IGFL2: variants seen among roughly 807,000 people sequenced by gnomAD.
The protein encoded by IGFL2 is IGF like family member 2.
IGFL2 carries 7 observed loss-of-function variants against 13.9 expected under a neutral mutation model. That is an observed-to-expected ratio of 0.51 (90% CI 0.29 to 0.95). IGFL2 has a LOEUF of 0.95. Ranked by LOEUF, IGFL2 falls within the 40% of genes least tolerant of loss-of-function variation. The pLI is 0.08. For synonymous variants in IGFL2, 55 were observed against 55.8 expected, an observed-to-expected ratio of 0.99 and a Z score of 0.07; for missense variants, 138 against 147.8, an observed-to-expected ratio of 0.93 and a Z score of 0.34.
the IGFL2 span, among the ~76,000 whole-genome samples, chr19:46,119,524 A>C: frequency 7.1e-6 from 1 of 141,118 alleles, no homozygotes; most frequent in African/African-American, 2.8e-5. Context: ...AGTCATTCTC[A>C]TCCCACTGCT....
the IGFL2 span, among the ~76,000 whole-genome samples, chr19:46,182,872 G>C: frequency 1.3e-5 from 2 of 151,712 alleles, no homozygotes; most frequent in African/African-American, 4.8e-5. Flanking sequence ...GCCTCTCTCT[G>C]TCATCTCTCT....
the IGFL2 span, chr19:46,137,340 G>A: frequency 3.2e-5 from 36 of 1,112,076 alleles, no homozygotes; most frequent in African/African-American, 2.6e-4. Context: ...AGCTTGTGGC[G>A]GGCGTTGATG....
chr19:46,085,004 G>A, the IGFL2 span, among the ~76,000 whole-genome samples: 1 of 152,050 alleles, frequency 6.6e-6, no homozygotes, highest in Non-Finnish European at 1.5e-5. Flanking sequence ...TTCCACCTAT[G>A]AGCCCGTAAA....
chr19:46,191,694 A>C, the IGFL2 span, among the ~76,000 whole-genome samples: 1 of 152,148 alleles, frequency 6.6e-6, no homozygotes, highest in Admixed American at 6.5e-5. Flanking sequence ...TCACAGACTC[A>C]GGGGCCTTGT....
At chr19:46,157,673 T>TA (rs1466434158) in intron 1 of IGFL2, among the ~76,000 whole-genome samples, 1 of 152,210 alleles carries the variant, frequency 6.6e-6, no homozygotes, top group Non-Finnish European at 1.5e-5. Context: ...ACAACTAATA[T>TA]AATAAGTAAT....
chr19:46,120,976 C>T, the IGFL2 span, among the ~76,000 whole-genome samples: 2 of 150,292 alleles, frequency 1.3e-5, no homozygotes, highest in African/African-American at 5.0e-5. Flanking sequence ...CTTAAGAAGC[C>T]TTAGGTTTAT....
the IGFL2 span, among the ~76,000 whole-genome samples, chr19:46,115,510 G>C: frequency 3.3e-5 from 5 of 152,094 alleles, no homozygotes; most frequent in Non-Finnish European, 7.4e-5. Context: ...TACAGCTTGG[G>C]AGCTGTGGCC....
the IGFL2 span, among the ~76,000 whole-genome samples, chr19:46,092,731 T>C: frequency 6.6e-6 from 1 of 151,978 alleles, no homozygotes; most frequent in African/African-American, 2.4e-5. Flanking sequence ...TCCTCCTGCC[T>C]CAGCCTCCCA....
At chr19:46,152,964 T>C (rs2146852748) in intron 1 of IGFL2, among the ~76,000 whole-genome samples, 1 of 152,340 alleles carries the variant, frequency 6.6e-6, no homozygotes, top group East Asian at 1.9e-4. Flanking sequence ...TAAGGTGGTG[T>C]ATTATATTAA....
At chr19:46,082,565 C>T in the IGFL2 span, among the ~76,000 whole-genome samples, 3 of 151,870 alleles carry the variant, frequency 2.0e-5, no homozygotes, top group African/African-American at 7.3e-5. Flanking sequence ...GGGATCAAGC[C>T]GCCCTGTAAG....
the IGFL2 span, among the ~76,000 whole-genome samples, chr19:46,187,216 G>A: frequency 2.0e-5 from 3 of 149,448 alleles, no homozygotes; most frequent in African/African-American, 4.9e-5. Flanking sequence ...CAGAGATGGT[G>A]AGCATTAACC....
chr19:46,148,019 T>A (rs1257305871), upstream of IGFL2: 2 of 455,278 alleles, frequency 4.4e-6, no homozygotes, highest in Non-Finnish European at 7.7e-6. Context: ...TGAAAGGTTC[T>A]AGGGAAGCCT....
chr19:46,094,425 A>G, the IGFL2 span, among the ~76,000 whole-genome samples: 11 of 152,300 alleles, frequency 7.2e-5, no homozygotes, highest in African/African-American at 2.4e-4. Flanking sequence ...ATAGAAGTCT[A>G]TAGAGCTGAA....
At chr19:46,103,805 G>A in the IGFL2 span, among the ~76,000 whole-genome samples, 1 of 152,122 alleles carries the variant, frequency 6.6e-6, no homozygotes, top group South Asian at 2.1e-4. Context: ...GCTTATAAGG[G>A]TTACTATTAT....
the IGFL2 span, among the ~76,000 whole-genome samples, chr19:46,093,072 TTAGTTTAATAACAACTAAATATTTAG>T: frequency 6.6e-6 from 1 of 152,334 alleles, no homozygotes; most frequent in South Asian, 2.1e-4. Flanking sequence ...AAATTAAATA[TTAGTTTAATAACAACTAAATATTTAG>T]TAGAAGTTGC....
the IGFL2 span, among the ~76,000 whole-genome samples, chr19:46,186,015 G>C: frequency 6.6e-6 from 1 of 152,160 alleles, no homozygotes; most frequent in Non-Finnish European, 1.5e-5. Flanking sequence ...TAGTCTTTAT[G>C]AGACTCTAGG....
chr19:46,134,459 A>T, the IGFL2 span, among the ~76,000 whole-genome samples: 1 of 152,186 alleles, frequency 6.6e-6, no homozygotes, highest in Non-Finnish European at 1.5e-5. Context: ...AATATACATT[A>T]TATATTACAT....
chr19:46,127,641 ATAGG>A, the IGFL2 span, among the ~76,000 whole-genome samples: 8 of 152,148 alleles, frequency 5.3e-5, no homozygotes, highest in African/African-American at 9.7e-5. Context: ...AGGTGGGTAG[ATAGG>A]TAGGTAGGTA....
the IGFL2 span, among the ~76,000 whole-genome samples, chr19:46,135,538 C>T: frequency 6.6e-6 from 1 of 152,194 alleles, no homozygotes; most frequent in South Asian, 2.1e-4. Context: ...CTACAGGAAC[C>T]TCACTGAAGT....
Sources: gnomAD v4.1 joint callset for allele counts (sites outside exome capture counted in the v4.1 genomes callset) on GRCh38, gnomAD v4.1.1 for gene constraint, MANE v1.5 for transcripts, NCBI Gene and HGNC (gene_info 2026-07-23, HGNC 2026-07-21) for gene names.